Variants in MID1 observed in about 807,000 individuals in gnomAD.
MID1 encodes the protein E3 ubiquitin-protein ligase Midline-1.
A neutral mutation model predicts 40.4 loss-of-function variants in MID1; 7 were observed. The observed-to-expected ratio is 0.17, with a 90% CI of 0.10 to 0.33. The LOEUF (loss-of-function observed/expected upper bound fraction) is 0.33, where lower values mean the gene tolerates loss of function less well. Among genes scored for constraint, MID1 ranks in the 10% least tolerant of loss-of-function variants. The probability of loss-of-function intolerance (pLI) is 1.00; values close to 1 mark genes in which losing one functional copy is unlikely to be tolerated. For synonymous variants in MID1, 229 were observed against 221.2 expected (o/e 1.04, Z -0.31); for missense variants, 367 against 558.5 (o/e 0.66, Z 3.46).
chrX:10,729,011 G>C (rs149473301), intron 1 of MID1, among the ~76,000 whole-genome samples: 1 of 111,480 alleles, frequency 9.0e-6, no homozygotes. Flanking sequence ...TACCATGCCC[G>C]TGTAATTAAA....
chrX:10,521,249 A>C (rs748422368), intron 3 of MID1, among the ~76,000 whole-genome samples: 1 of 110,850 alleles, frequency 9.0e-6, no homozygotes, highest in East Asian at 2.9e-4. Flanking sequence ...AACACCTCCC[A>C]CCAAGCCCCA....
At chrX:10,818,675 C>T (rs2044155027) in intron 1 of MID1, among the ~76,000 whole-genome samples, 1 of 111,989 alleles carries the variant, frequency 8.9e-6, no homozygotes, top group Admixed American at 9.5e-5. Context: ...GTGACAGTTC[C>T]ATGGTTCACA....
intron 1 of MID1, among the ~76,000 whole-genome samples, chrX:10,754,677 C>A (rs779744942): frequency 1.8e-5 from 2 of 110,706 alleles, no homozygotes; most frequent in Non-Finnish European, 3.8e-5. Context: ...GATGGTGATG[C>A]GATTAGCCGG....
chrX:10,761,659 C>T (rs1335417271), intron 1 of MID1, among the ~76,000 whole-genome samples: 2 of 112,291 alleles, frequency 1.8e-5, no homozygotes, highest in African/African-American at 6.5e-5. Context: ...CTAGCCTGTC[C>T]ATACAAAGAG....
intron 1 of MID1, among the ~76,000 whole-genome samples, chrX:10,731,162 T>C (rs2043446661): frequency 9.0e-6 from 1 of 111,503 alleles, no homozygotes; most frequent in African/African-American, 3.3e-5. Flanking sequence ...GTAAAAATCA[T>C]CTAAAACAGA....
At chrX:10,710,085 T>C (rs2043256131) in intron 1 of MID1, among the ~76,000 whole-genome samples, 1 of 111,892 alleles carries the variant, frequency 8.9e-6, no homozygotes, top group Admixed American at 9.5e-5. Flanking sequence ...AGAAGCTACC[T>C]GGCGGTCCAA....
intron 1 of MID1, among the ~76,000 whole-genome samples, chrX:10,710,139 G>A (rs922228994): frequency 3.6e-5 from 4 of 111,426 alleles, no homozygotes; most frequent in African/African-American, 1.3e-4. Context: ...ACTTGTTGCT[G>A]GCAATGAGAG....
chrX:10,782,201 T>C (rs2043851893), intron 1 of MID1, among the ~76,000 whole-genome samples: 1 of 111,887 alleles, frequency 8.9e-6, no homozygotes, highest in Non-Finnish European at 1.9e-5. Context: ...CACCAAGTCA[T>C]CATGAAATCT....
chrX:10,697,417 G>A (rs1470279040), intron 1 of MID1, among the ~76,000 whole-genome samples: 1 of 111,476 alleles, frequency 9.0e-6, no homozygotes, highest in Non-Finnish European at 1.9e-5. Context: ...CTTGGAACAG[G>A]GCAATTGAGG....
At chrX:10,533,369 AAAGAAAGAAAAAGAAAGAAAGAAAAG>A (rs1569089720) in intron 2 of MID1, among the ~76,000 whole-genome samples, 16 of 82,224 alleles carry the variant, frequency 1.9e-4, no homozygotes, top group African/African-American at 7.4e-4. Flanking sequence ...AGAAAGAAAG[AAAGAAAGAAAAAGAAAGAAAGAAAAG>A]AAAGAAAGAA....
At chrX:10,675,013 ACC>A (rs1346425927) in intron 1 of MID1, among the ~76,000 whole-genome samples, 1 of 112,438 alleles carries the variant, frequency 8.9e-6, no homozygotes, top group Non-Finnish European at 1.9e-5. Flanking sequence ...ATATTTTATA[ACC>A]TATAGTTTAA....
At position 10,747,282 on chromosome X, in the gene MID1, C is replaced by T. The variant is rs750218090; in HGVS notation, c.-187+86272G>A. On this transcript the variant is annotated intron_variant, in intron 1 of 10. Coordinates refer to the MID1 transcript ENST00000380785. ...TTAGCATGACAGTGAGAGCTCATGC[C>T]GTGGCAGCTGGAAAATGAGTTCTAT... Among the ~76,000 whole-genome samples the T allele has an allele frequency of 2.1e-4, 23 of 111,743 alleles. 1 individual carries two copies. In the East Asian group the frequency reaches 4.8e-3, roughly 23 times the overall value.
chrX:10,830,980 G>T (rs919056075), intron 1 of MID1, among the ~76,000 whole-genome samples: 2 of 111,912 alleles, frequency 1.8e-5, no homozygotes, highest in Admixed American at 9.5e-5. Context: ...GGCCTAGATT[G>T]TCAAAGGCAG....
intron 1 of MID1, among the ~76,000 whole-genome samples, chrX:10,828,536 C>T (rs1177821924): frequency 1.8e-5 from 2 of 111,361 alleles, no homozygotes; most frequent in Non-Finnish European, 3.8e-5. Context: ...TGAGAAAACA[C>T]CTTAAAAGGG....
intron 1 of MID1, among the ~76,000 whole-genome samples, chrX:10,719,710 A>G (rs1287139256): frequency 9.0e-6 from 1 of 111,406 alleles, no homozygotes; most frequent in Admixed American, 9.6e-5. Context: ...TAAAGTTCAT[A>G]TGGAACCAAA....
intron 3 of MID1, among the ~76,000 whole-genome samples, chrX:10,511,979 A>T (rs1235883044): frequency 8.9e-6 from 1 of 112,123 alleles, no homozygotes; most frequent in African/African-American, 3.2e-5. Flanking sequence ...GTGCTGAAAA[A>T]GTTTTGGATT....
At chrX:10,685,874 TCA>T (rs1569146625) in intron 1 of MID1, among the ~76,000 whole-genome samples, 2 of 30,043 alleles carry the variant, frequency 6.7e-5, no homozygotes, top group Non-Finnish European at 1.2e-4. Context: ...CCCCACATAC[TCA>T]TACACACACA....
intron 1 of MID1, among the ~76,000 whole-genome samples, chrX:10,819,715 T>A (rs747299310): frequency 1.8e-5 from 2 of 111,969 alleles, no homozygotes; most frequent in African/African-American, 3.2e-5. Flanking sequence ...CTCACAATCT[T>A]CAAACTATCA....
intron 1 of MID1, among the ~76,000 whole-genome samples, chrX:10,728,797 C>A (rs2043419384): frequency 9.0e-6 from 1 of 111,688 alleles, no homozygotes; most frequent in Non-Finnish European, 1.9e-5. Flanking sequence ...GACTTTGGGC[C>A]TTCCCCTCTA....
Sources: gnomAD v4.1 joint callset for allele counts (sites outside exome capture counted in the v4.1 genomes callset) on GRCh38, gnomAD v4.1.1 for gene constraint, MANE v1.5 for transcripts, NCBI Gene and HGNC (gene_info 2026-07-23, HGNC 2026-07-21) for gene names.